FCRLA: variants seen among roughly 807,000 people sequenced by gnomAD.
FCRLA encodes the protein Fc receptor like A, also known as Fc receptor-like A.
FCRLA carries 26 observed loss-of-function variants against 28.4 expected under a neutral mutation model. That is an observed-to-expected ratio of 0.91 (90% CI 0.67 to 1.27). The LOEUF is 1.27. FCRLA is among the 50% of genes most tolerant of loss of function. The probability of loss-of-function intolerance (pLI) is 0.00; values close to 1 mark genes in which losing one functional copy is unlikely to be tolerated. For missense variants in FCRLA, 422 were observed against 433.1 expected, an observed-to-expected ratio of 0.97 and a Z score of 0.23; for synonymous variants, 174 against 168.5, an observed-to-expected ratio of 1.03 and a Z score of -0.25.
intron 4 of FCRLA, among the ~76,000 whole-genome samples, chr1:161,712,539 G>T (rs1012523864): frequency 6.6e-6 from 1 of 152,212 alleles, no homozygotes; most frequent in Non-Finnish European, 1.5e-5. Context: ...AGATGGGATA[G>T]TCTGAAGTCT....
At chr1:161,710,229 G>T in intron 1 of FCRLA, 2 of 555,588 alleles carry the variant, frequency 3.6e-6, no homozygotes, top group Non-Finnish European at 6.4e-6. Flanking sequence ...CCGATCCATT[G>T]CTTAGTCTCT....
chr1:161,713,194 C>T lies in FCRLA; in HGVS notation c.894C>T (p.Thr298=). ...CTGGGCCTCTGCCTCCGCCGCCAAC[C>T]CCATCTTCTGAGGATCCAGGCTTTT... The part of the protein sequence containing the change: ...EAPGPLPPPP[T]PSSEDPGFSS... The change falls in exon 5 of 5, where the codon ACC becomes ACT. Residue 298 remains threonine (T), a synonymous_variant. Transcript: ENST00000236938. 1 of 1,614,220 alleles carries T rather than the reference C, an allele frequency of 6.2e-7. No individual in the cohort carries two copies. The highest frequency in any genetic ancestry group is 8.5e-7 in the Non-Finnish European group (1 of 1,180,038).
In FCRLA at chr1:161,713,233, G is replaced by A. The variant is rs1571069912; in HGVS notation, c.933G>A (p.Gly311=). 1 of 1,614,190 alleles carries A rather than the reference G, an allele frequency of 6.2e-7. No homozygotes were observed. The highest frequency in any genetic ancestry group is 2.2e-5 in the East Asian group (1 of 44,882). Residue 311 remains glycine, a synonymous_variant, in exon 5 of 5, where the codon GGG becomes GGA. Transcript: ENST00000236938. Reference sequence around the variant, plus strand: ...ATCCAGGCTTTTCTTCTCCTCTGGGGATGCCAGATCCTCATCTGTATCACC... The same window carrying A: ...ATCCAGGCTTTTCTTCTCCTCTGGGAATGCCAGATCCTCATCTGTATCACC... ...SEDPGFSSPL[G]MPDPHLYHQM...
chr1:161,712,211 A>G lies in FCRLA; in HGVS notation c.777A>G (p.Arg259=), dbSNP rs1267243043. ...AACAGAGCCCCCAGCTAGAGATCAG[A>G]GTGCAGGGTGAGTTCGCATCAGAGT... ...VWKQSPQLEI[R]VQGASSSAAP... The change falls in exon 4 of 5, where the codon AGA becomes AGG. Residue 259 remains arginine (R), a synonymous_variant. Coordinates refer to ENST00000236938, the MANE Select transcript of FCRLA (RefSeq NM_032738.4). 6.2e-7 allele frequency: 1 copy of G among 1,612,760 alleles called. No individual in the cohort carries two copies. Among genetic ancestry groups the G allele is most frequent in the East Asian group, 2.2e-5 (1 of 44,878 alleles).
chr1:161,711,311 C>T lies in FCRLA; in HGVS notation c.336C>T (p.Phe112=). The T allele has an allele frequency of 6.2e-7, 1 of 1,614,248 alleles. No individual in the cohort carries two copies. Among genetic ancestry groups the T allele is most frequent in the South Asian group, 1.1e-5 (1 of 91,090 alleles). The change falls in exon 3 of 5, where the codon TTC becomes TTT. Residue 112 remains phenylalanine, a synonymous_variant. Transcript: ENST00000236938. The part of the protein sequence containing the change: ...WQDWPLTQVT[F]YRDGSALGPP... Reference sequence around the variant, plus strand: ...ACTGGCCACTGACTCAGGTGACCTTCTACCGAGATGGCTCAGCTCTGGGTC... The same window carrying T: ...ACTGGCCACTGACTCAGGTGACCTTTTACCGAGATGGCTCAGCTCTGGGTC...
intron 3 of FCRLA, 168 bp downstream of exon 3, chr1:161,711,642 G>A: frequency 1.1e-6 from 1 of 872,374 alleles, no homozygotes; most frequent in African/African-American, 1.7e-5. Context: ...TCAGCCTTTT[G>A]AAGTCATCCA....
intron 1 of FCRLA, 100 bp downstream of exon 1, chr1:161,707,443 A>G (rs1227957709): frequency 2.2e-5 from 29 of 1,326,524 alleles, no homozygotes; most frequent in Non-Finnish European, 3.0e-5. Flanking sequence ...TGGCCCTCCA[A>G]AGAAGCAGTA....
intron 1 of FCRLA, chr1:161,710,223 T>C (rs1271279353): frequency 3.7e-6 from 2 of 546,274 alleles, no homozygotes; most frequent in Non-Finnish European, 6.6e-6. Context: ...CCTTTCCCGA[T>C]CCATTGCTTA....
rs1682866659 is a variant in FCRLA, at chr1:161,707,325, G to A, written c.61G>A (p.Val21Met). ...CTACCTTTCCCTTGGTGTGCTCTGGGTGGCCCAGATGCTACTGGGTAAGTA... is the reference window on the plus strand; with the variant it reads ...CTACCTTTCCCTTGGTGTGCTCTGGATGGCCCAGATGCTACTGGGTAAGTA... ...ALYLSLGVLW[V>M]AQMLLAASFE... Residue 21 changes from valine to methionine, a missense_variant, in exon 1 of 5, where the codon GTG becomes ATG. Physicochemically the swap from Val to Met is conservative, Grantham distance 21. Around this residue, in one of 3 missense-constraint regions of FCRLA, gnomAD observed 231 missense variants for 214.6 expected, o/e 1.08. Coordinates refer to ENST00000236938, the MANE Select transcript of FCRLA (RefSeq NM_032738.4). 3 of 1,607,430 alleles carry A rather than the reference G, an allele frequency of 1.9e-6. No homozygotes were observed. In the South Asian group the frequency reaches 3.3e-5, roughly 18 times the overall value.
intron 1 of FCRLA, 137 bp from the exon 2 acceptor site, chr1:161,710,623 G>GA (rs77972815): frequency 0.038 from 36,911 of 974,716 alleles, no homozygotes; most frequent in Non-Finnish European, 0.041. Context: ...GGGTCTTTCC[G>GA]AAAAAAAAAA....
Position 161,710,861 on chromosome 1 carries a change from C to T in FCRLA, c.181C>T (p.Gln61Ter). ...GACTGATGCAAGGGAAGCTGGCTTC[C>T]AGGTCAAGGCCTACACTTTCAGTGA... ...DLTDAREAGF[Q>*]VKAYTFSEPF... Residue 61 changes from glutamine to a stop codon, truncating the protein, a stop_gained, in exon 2 of 5, where the codon CAG (glutamine) becomes TAG (stop). Coordinates refer to ENST00000236938, the MANE Select transcript of FCRLA (RefSeq NM_032738.4). LOFTEE classifies it high-confidence loss of function. The T allele has an allele frequency of 6.2e-7, 1 of 1,613,820 alleles. No homozygotes were observed. Among genetic ancestry groups the T allele is most frequent in the South Asian group, 1.1e-5 (1 of 91,052 alleles).
At chr1:161,708,039 A>G (rs533387511) in intron 1 of FCRLA, among the ~76,000 whole-genome samples, 2 of 152,258 alleles carry the variant, frequency 1.3e-5, no homozygotes, top group South Asian at 4.1e-4. Flanking sequence ...GTCCCAAATC[A>G]TATCCCCAAC....
intron 1 of FCRLA, chr1:161,710,372 TG>T: frequency 9.2e-7 from 1 of 1,089,646 alleles, no homozygotes; most frequent in Non-Finnish European, 1.4e-6. Context: ...TAGCAGGGTC[TG>T]GCACCCAGTG....
Position 161,711,287 on chromosome 1 carries a change from C to A in FCRLA, c.312C>A (p.Asp104Glu). Residue 104 changes from aspartate to glutamate, a missense_variant, in exon 3 of 5, where the codon GAC (aspartate) becomes GAA (glutamate). Asp to Glu is a conservative substitution (Grantham distance 45). Coordinates refer to ENST00000236938, the MANE Select transcript of FCRLA (RefSeq NM_032738.4). ...LLVLRCQAWQ[D>E]WPLTQVTFYR... ...TTCTGCGCTGCCAGGCCTGGCAAGA[C>A]TGGCCACTGACTCAGGTGACCTTCT... The A allele has an allele frequency of 6.2e-7, 1 of 1,614,248 alleles. No individual in the cohort carries two copies. The highest frequency in any genetic ancestry group is 8.5e-7 in the Non-Finnish European group (1 of 1,180,044).
intron 1 of FCRLA, among the ~76,000 whole-genome samples, chr1:161,709,497 A>G (rs927492196): frequency 6.6e-6 from 1 of 152,198 alleles, no homozygotes; most frequent in African/African-American, 2.4e-5. Context: ...CAGTGGAGGA[A>G]CTGAAAAGAG....
intron 1 of FCRLA, among the ~76,000 whole-genome samples, chr1:161,709,848 G>A (rs967419215): frequency 6.6e-6 from 1 of 152,110 alleles, no homozygotes; most frequent in African/African-American, 2.4e-5. Context: ...GGTGAGAAAT[G>A]GATAATTCTA....
At chr1:161,712,503 TTA>T (rs2101661817) in intron 4 of FCRLA, among the ~76,000 whole-genome samples, 1 of 152,216 alleles carries the variant, frequency 6.6e-6, no homozygotes, top group South Asian at 2.1e-4. Flanking sequence ...CTCTGGGCAT[TTA>T]TAGGAATTTA....
chr1:161,713,173 G>A lies in FCRLA; in HGVS notation c.873G>A (p.Gly291=). 1.2e-6 allele frequency: 2 copies of A among 1,614,206 alleles called. No individual in the cohort carries two copies. The highest frequency in any genetic ancestry group is 1.7e-6 in the Non-Finnish European group (2 of 1,180,040). Residue 291 remains glycine (G), a synonymous_variant, in exon 5 of 5, where the codon GGG becomes GGA. Coordinates refer to ENST00000236938, the MANE Select transcript of FCRLA (RefSeq NM_032738.4). The part of the protein sequence containing the change: ...APGTAPEEAP[G]PLPPPPTPSS... ...GAACTGCTCCTGAGGAGGCCCCTGG[G>A]CCTCTGCCTCCGCCGCCAACCCCAT...
intron 1 of FCRLA, 108 bp downstream of exon 1, chr1:161,707,451 G>A: frequency 4.0e-6 from 5 of 1,245,226 alleles, no homozygotes; most frequent in Non-Finnish European, 5.5e-6. Context: ...CAAAGAAGCA[G>A]TATTCAGGTG....
Sources: gnomAD v4.1 joint callset for allele counts (sites outside exome capture counted in the v4.1 genomes callset) on GRCh38, gnomAD v4.1.1 for gene constraint, gnomAD v4.1.1 regional missense constraint, MANE v1.5 for transcripts, NCBI Gene and HGNC (gene_info 2026-07-23, HGNC 2026-07-21) for gene names.